The following CADM2 variants were observed in gnomAD, a reference collection of about 807,000 sequenced individuals.
CADM2 encodes the protein immunoglobulin superfamily member 4D.
Under a neutral mutation model 49.8 loss-of-function variants are expected in CADM2, and 12 were observed. That is an observed-to-expected ratio of 0.24 (90% confidence interval 0.15 to 0.39). The LOEUF (loss-of-function observed/expected upper bound fraction) is 0.39. Among genes scored for constraint, CADM2 ranks in the 10% least tolerant of loss-of-function variants. The pLI, the probability that CADM2 is intolerant of heterozygous loss-of-function variation, is 1.00. For synonymous variants in CADM2, 214 were observed against 175.4 expected, an observed-to-expected ratio of 1.22 and a Z score of -1.74; for missense variants, 378 against 492.3, an observed-to-expected ratio of 0.77 and a Z score of 2.20.
At position 85,964,080 on chromosome 3, in the gene CADM2, C is replaced by T. The variant is rs549941612; in HGVS notation, c.970+2433C>T. ...GCTGGGTATAATGTTTCATTAGTCA[C>T]TAGTTGTATAAATATAAAAAGCTAC... On this transcript the variant is annotated intron_variant, in intron 8 of 9. Coordinates refer to ENST00000383699, the MANE Select transcript of CADM2 (RefSeq NM_001167675.2). Among the ~76,000 whole-genome samples the T allele has an allele frequency of 2.6e-5, 4 of 151,882 alleles. No individual in the cohort carries two copies. The South Asian group carries it at 8.3e-4, about 31-fold the overall frequency.
intron 8 of CADM2, chr3:86,014,648 C>T: frequency 6.3e-7 from 1 of 1,575,388 alleles, no homozygotes; most frequent in East Asian, 2.3e-5. Flanking sequence ...CTCTTAAATG[C>T]TTATCTCTGG....
chr3:85,018,715 C>T (rs1458604287), intron 1 of CADM2, among the ~76,000 whole-genome samples: 1 of 152,100 alleles, frequency 6.6e-6, no homozygotes, highest in East Asian at 1.9e-4. Flanking sequence ...TTTATAGCTT[C>T]CTTATATGCT....
At chr3:85,696,342 G>A (rs1577105721) in intron 1 of CADM2, among the ~76,000 whole-genome samples, 1 of 151,794 alleles carries the variant, frequency 6.6e-6, no homozygotes, top group South Asian at 2.1e-4. Flanking sequence ...TCTTTGCCTA[G>A]GCCAATGTCC....
rs116982662 is a variant in CADM2 at position 85,186,916 on chromosome 3, G to A, written c.61+227248G>A. Among the ~76,000 whole-genome samples the A allele has an allele frequency of 7.6e-3, 1,154 of 152,252 alleles. 15 individuals are homozygous for A. Among genetic ancestry groups the A allele is most frequent in the East Asian group, 0.074 (384 of 5,178 alleles). On this transcript the variant is annotated intron_variant, in intron 1 of 9. Coordinates refer to ENST00000383699, the MANE Select transcript of CADM2 (RefSeq NM_001167675.2). The stretch of plus-strand genomic sequence containing the variant: ...CTTTGCTTTAATATGCTTTGAAAAA[G>A]TAGCCAAATGCTGTCGTTAATATTT...
intron 1 of CADM2, among the ~76,000 whole-genome samples, chr3:85,204,457 T>G (rs912228999): frequency 1.7e-4 from 26 of 152,156 alleles, no homozygotes; most frequent in African/African-American, 6.3e-4. Flanking sequence ...CGACCTTATT[T>G]ACGTTCCATC....
At chr3:85,816,239 T>C (rs1253421499) in intron 3 of CADM2, among the ~76,000 whole-genome samples, 1 of 151,972 alleles carries the variant, frequency 6.6e-6, no homozygotes, top group East Asian at 1.9e-4. Flanking sequence ...TTTTTTAGTT[T>C]GAGGCAGGTG....
chr3:84,973,075 G>A (rs982165848), intron 1 of CADM2, among the ~76,000 whole-genome samples: 1 of 151,992 alleles, frequency 6.6e-6, no homozygotes, highest in African/African-American at 2.4e-5. Flanking sequence ...CACCACGCCG[G>A]CTAAATTTTC....
At chr3:85,768,241 G>A (rs2069768136) in intron 2 of CADM2, among the ~76,000 whole-genome samples, 1 of 151,962 alleles carries the variant, frequency 6.6e-6, no homozygotes, top group Non-Finnish European at 1.5e-5. Context: ...GAGCTCAGGA[G>A]TTCATTACCA....
At chr3:85,363,772 C>T (rs920284076) in intron 1 of CADM2, among the ~76,000 whole-genome samples, 2 of 152,118 alleles carry the variant, frequency 1.3e-5, no homozygotes, top group East Asian at 1.9e-4. Flanking sequence ...CCACCGCGCC[C>T]GGCTAATTTT....
intron 1 of CADM2, among the ~76,000 whole-genome samples, chr3:85,377,112 ATAGT>A (rs2033637413): frequency 6.6e-6 from 1 of 152,028 alleles, no homozygotes; most frequent in African/African-American, 2.4e-5. Context: ...AATGAACATG[ATAGT>A]TGGTTAATGA....
chr3:85,165,144 C>A (rs1466475265), intron 1 of CADM2, among the ~76,000 whole-genome samples: 1 of 151,766 alleles, frequency 6.6e-6, no homozygotes, highest in Non-Finnish European at 1.5e-5. Flanking sequence ...TAAGCTATGT[C>A]ACCAATTTCA....
At chr3:85,696,142 T>A (rs1183315865) in intron 1 of CADM2, among the ~76,000 whole-genome samples, 2 of 152,154 alleles carry the variant, frequency 1.3e-5, no homozygotes, top group African/African-American at 2.4e-5. Context: ...TTTGTTTGAG[T>A]TTCTTGTAGA....
At chr3:85,751,490 A>C (rs2068858923) in intron 2 of CADM2, among the ~76,000 whole-genome samples, 1 of 152,154 alleles carries the variant, frequency 6.6e-6, no homozygotes, top group Non-Finnish European at 1.5e-5. Context: ...ATTTCATGGA[A>C]AGGTTATTCA....
intron 1 of CADM2, among the ~76,000 whole-genome samples, chr3:85,205,046 C>A (rs1159854222): frequency 2.1e-5 from 3 of 142,146 alleles, no homozygotes; most frequent in African/African-American, 7.8e-5. Flanking sequence ...GAGATAGGAT[C>A]TTACTCTGTC....
At chr3:85,336,553 A>G (rs1275423019) in intron 1 of CADM2, among the ~76,000 whole-genome samples, 2 of 151,484 alleles carry the variant, frequency 1.3e-5, no homozygotes, top group Middle Eastern at 3.4e-3. Context: ...AAAGAAAACT[A>G]TATTTCTGTG....
At chr3:85,119,362 GT>G (rs2038766377) in intron 1 of CADM2, among the ~76,000 whole-genome samples, 1 of 152,150 alleles carries the variant, frequency 6.6e-6, no homozygotes, top group Non-Finnish European at 1.5e-5. Flanking sequence ...CTATATATCT[GT>G]TTTGGTACCA....
chr3:84,975,607 C>G (rs1455617804), intron 1 of CADM2, among the ~76,000 whole-genome samples: 1 of 151,566 alleles, frequency 6.6e-6, no homozygotes, highest in East Asian at 1.9e-4. Context: ...AATTTATATC[C>G]TTTATTTCTC....
chr3:85,642,477 G>A (rs1027595042), intron 1 of CADM2, among the ~76,000 whole-genome samples: 3 of 151,840 alleles, frequency 2.0e-5, no homozygotes, highest in Non-Finnish European at 2.9e-5. Flanking sequence ...TAGAATGGAA[G>A]GTTTTTAAAA....
chr3:85,555,377 A>G (rs1012000404), intron 1 of CADM2, among the ~76,000 whole-genome samples: 7 of 152,154 alleles, frequency 4.6e-5, no homozygotes, highest in African/African-American at 1.4e-4. Flanking sequence ...CTTAGATGCT[A>G]TTATTCTTGA....
Sources: allele counts gnomAD v4.1 joint callset (sites outside exome capture counted in the v4.1 genomes callset), GRCh38; gene constraint gnomAD v4.1.1; transcripts MANE v1.5; gene names NCBI Gene and HGNC (gene_info 2026-07-23, HGNC 2026-07-21).